MAPKBP1: variants seen among roughly 807,000 people sequenced by gnomAD.
MAPKBP1 encodes the protein mitogen-activated protein kinase binding protein 1.
MAPKBP1 carries 71 observed loss-of-function variants against 170.5 expected under a neutral mutation model. That is an observed-to-expected ratio of 0.42 (90% CI 0.34 to 0.51). The LOEUF (loss-of-function observed/expected upper bound fraction) is 0.51, where lower values mean the gene tolerates loss of function less well. Ranked by LOEUF, MAPKBP1 falls within the 20% of genes least tolerant of loss-of-function variation. MAPKBP1 has a pLI of 0.06. For synonymous variants in MAPKBP1, 719 were observed against 757.9 expected, an observed-to-expected ratio of 0.95 and a Z score of 0.84; for missense variants, 1,598 against 1,933.0, an observed-to-expected ratio of 0.83 and a Z score of 3.25.
At chr15:41,808,880 A>G (rs1231382386) in intron 3 of MAPKBP1, among the ~76,000 whole-genome samples, 16 of 152,062 alleles carry the variant, frequency 1.1e-4, no homozygotes, top group Non-Finnish European at 4.4e-5. Flanking sequence ...AGCCTGGGCA[A>G]CATGGCAAAA....
chr15:41,814,438 C>T, intron 9 of MAPKBP1, 112 bp from the exon 10 acceptor site: 1 of 1,073,556 alleles, frequency 9.3e-7, no homozygotes, highest in African/African-American at 1.6e-5. Flanking sequence ...GCAACTACTT[C>T]CAAACCTGCA....
chr15:41,809,833 C>T (rs2064771796), intron 3 of MAPKBP1, among the ~76,000 whole-genome samples: 1 of 152,236 alleles, frequency 6.6e-6, no homozygotes, highest in South Asian at 2.1e-4. Context: ...AGGTTGCCCC[C>T]ACCTTCTCTG....
chr15:41,824,764 G>A (rs998218972), intron 30 of MAPKBP1, among the ~76,000 whole-genome samples, 195 bp downstream of exon 30: 7 of 152,180 alleles, frequency 4.6e-5, no homozygotes, highest in African/African-American at 1.7e-4. Context: ...GGTCATTTCT[G>A]GTTAAGAGCT....
chr15:41,808,695 C>G (rs1320342946), intron 3 of MAPKBP1, among the ~76,000 whole-genome samples: 1 of 151,202 alleles, frequency 6.6e-6, no homozygotes. Flanking sequence ...AGCCTGATCT[C>G]GAACTCCTGA....
At chr15:41,810,377 T>C (rs902935480) in intron 3 of MAPKBP1, among the ~76,000 whole-genome samples, 7 of 151,754 alleles carry the variant, frequency 4.6e-5, no homozygotes, top group Non-Finnish European at 5.9e-5. Flanking sequence ...GCTACAGAGA[T>C]AGTTCCTCTT....
chr15:41,818,619 T>G lies in MAPKBP1; in HGVS notation c.2156+37T>G. On this transcript the variant is annotated intron_variant, in intron 19 of 30. Transcript: ENST00000457542. This position sits in a 1 kb window ranked among gnomAD's most constrained non-coding sequence, Gnocchi z 5.2. ...CCAGCTTCCCTGAGAGGCAGATTCT[T>G]ACTCTGCCACAGCACCCTGCCCTCC... 1.3e-6 allele frequency: 2 copies of G among 1,580,078 alleles called. No individual in the cohort carries two copies. Among genetic ancestry groups the G allele is most frequent in the Non-Finnish European group, 1.7e-6 (2 of 1,154,058 alleles).
chr15:41,824,383 C>T (rs1251166001), intron 29 of MAPKBP1, 101 bp from the exon 30 acceptor site: 5 of 1,093,416 alleles, frequency 4.6e-6, no homozygotes, highest in Non-Finnish European at 6.6e-6. Flanking sequence ...GTGGGGGGTG[C>T]AATGCTGAGG....
intron 2 of MAPKBP1, among the ~76,000 whole-genome samples, chr15:41,781,219 G>A (rs1412015658): frequency 6.6e-6 from 1 of 151,948 alleles, no homozygotes; most frequent in African/African-American, 2.4e-5. Flanking sequence ...GGGATTACAG[G>A]CATGTGCCAC....
intron 2 of MAPKBP1, among the ~76,000 whole-genome samples, chr15:41,786,639 C>G (rs1331801698): frequency 6.7e-6 from 1 of 149,864 alleles, no homozygotes; most frequent in Non-Finnish European, 1.5e-5. Context: ...GTGGCGGGTG[C>G]CCGTAGTCCC....
intron 6 of MAPKBP1, 60 bp downstream of exon 6, chr15:41,812,187 G>A: frequency 2.5e-6 from 4 of 1,588,986 alleles, no homozygotes; most frequent in Non-Finnish European, 3.4e-6. Context: ...AGCTGGGGAG[G>A]CAAGAGACTG....
chr15:41,784,300 A>G (rs1281182056), intron 2 of MAPKBP1, among the ~76,000 whole-genome samples: 1 of 152,130 alleles, frequency 6.6e-6, no homozygotes, highest in East Asian at 1.9e-4. Context: ...TCACTGAGAT[A>G]CTGCCTCATG....
In MAPKBP1 at chr15:41,813,605, G is replaced by C; in HGVS notation, c.820-16G>C. ...TGGGCAGGTGGCCTTGCTGAGCTGA[G>C]CCACTCTGCCCACAGACCACAGTGG... On this transcript the variant is annotated splice_polypyrimidine_tract_variant and intron_variant, in intron 8 of 30. Coordinates refer to ENST00000457542, the MANE Select transcript of MAPKBP1 (RefSeq NM_014994.3). 4 of 1,611,678 alleles carry C rather than the reference G, an allele frequency of 2.5e-6. No homozygotes were observed. The highest frequency in any genetic ancestry group is 3.4e-6 in the Non-Finnish European group (4 of 1,179,200).
rs567387381 is a variant in MAPKBP1 at position 41,827,759 on chromosome 15, C to G, written c.*2323C>G. On this transcript the variant is annotated 3_prime_UTR_variant, in exon 31 of 31. Coordinates refer to ENST00000457542, the MANE Select transcript of MAPKBP1 (RefSeq NM_014994.3). ...TACTTTGTGCAGGTCGCGGCGCTTCCTGCCTCATCCTCGGCTGCATGGGGC... is the reference window on the plus strand; with the variant it reads ...TACTTTGTGCAGGTCGCGGCGCTTCGTGCCTCATCCTCGGCTGCATGGGGC... 4.5e-6 allele frequency: 1 copy of G among 220,714 alleles called. No homozygotes were observed. Among genetic ancestry groups the G allele is most frequent in the Non-Finnish European group, 8.9e-6 (1 of 112,720 alleles). The allele number at this position is 220,714 out of a possible 1,614,324, so 13.7% of individuals were successfully genotyped here.
At chr15:41,787,505 C>T (rs1157165606) in intron 2 of MAPKBP1, among the ~76,000 whole-genome samples, 2 of 151,894 alleles carry the variant, frequency 1.3e-5, no homozygotes, top group African/African-American at 4.8e-5. Flanking sequence ...GTAACTGGGA[C>T]TACAGGCACC....
chr15:41,824,534 G>C lies in MAPKBP1; in HGVS notation c.4264G>C (p.Gly1422Arg). ...TGAGCAGCTGGTGGCAGAGCTCCGC[G>C]GCAGCGTGCGCCAGGCAGTGCGGCT... Reference protein sequence around the residue: ...QCEQLVAELRGSVRQAVRLYH... With the variant: ...QCEQLVAELRRSVRQAVRLYH... Residue 1422 changes from glycine to arginine, a missense_variant, in exon 30 of 31, where the codon GGC becomes CGC. By Grantham distance (125) the Gly-to-Arg change is moderately radical. Around this residue, in one of 6 missense-constraint regions of MAPKBP1, gnomAD observed 942 missense variants for 953.2 expected, o/e 0.99. Coordinates refer to ENST00000457542, the MANE Select transcript of MAPKBP1 (RefSeq NM_014994.3). 1 of 1,603,272 alleles carries C rather than the reference G, an allele frequency of 6.2e-7. No homozygotes were observed. Among genetic ancestry groups the C allele is most frequent in the Non-Finnish European group, 8.5e-7 (1 of 1,175,798 alleles).
intron 26 of MAPKBP1, 78 bp from the exon 27 acceptor site, chr15:41,822,515 C>T: frequency 1.2e-6 from 2 of 1,603,978 alleles, no homozygotes. Context: ...TAGGCTGTGG[C>T]TGGGGGTCTC....
chr15:41,819,557 G>GCCCC, intron 21 of MAPKBP1, 38 bp from the exon 22 acceptor site: 3 of 1,384,614 alleles, frequency 2.2e-6, no homozygotes, highest in Admixed American at 1.7e-5. Flanking sequence ...CGGGGGGGGG[G>GCCCC]CAGGAGACAC....
In MAPKBP1 at chr15:41,822,295, TGAAGAA is replaced by T. The variant is rs750286191; in HGVS notation, c.3105_3110del (p.Glu1040_Glu1041del). On this transcript the variant is annotated inframe_deletion, in exon 26 of 31. Transcript: ENST00000457542. Reference sequence around the variant, plus strand: ...ACCTTGAAGAGCCAGCTGAGGGTGATGAAGAAGAGGAAGAAGAGGAGGGAGGCATGG... The same window carrying T: ...ACCTTGAAGAGCCAGCTGAGGGTGATGAGGAAGAAGAGGAGGGAGGCATGG... 4.3e-6 allele frequency: 7 copies of T among 1,613,918 alleles called. No homozygotes were observed. Among genetic ancestry groups the T allele is most frequent in the Non-Finnish European group, 5.9e-6 (7 of 1,179,962 alleles).
Position 41,816,853 on chromosome 15 carries a change from G to A in MAPKBP1, c.1586-57G>A. On this transcript the variant is annotated intron_variant, in intron 13 of 30. Transcript: ENST00000457542. The stretch of plus-strand genomic sequence containing the variant: ...CAGTTCCCTTGGGGCTCTTTGCCAG[G>A]CCCAGATAAGGGCTGTTCAGGGCAC... The A allele has an allele frequency of 2.6e-6, 4 of 1,552,550 alleles. No homozygotes were observed. In the South Asian group the frequency reaches 4.9e-5, roughly 19 times the overall value.
Sources: allele counts gnomAD v4.1 joint callset (sites outside exome capture counted in the v4.1 genomes callset), GRCh38; gene constraint gnomAD v4.1.1; regional missense constraint gnomAD v4.1.1; non-coding constraint Gnocchi (gnomAD v3.1); transcripts MANE v1.5; gene names NCBI Gene and HGNC (gene_info 2026-07-23, HGNC 2026-07-21).